Variants in LMX1A observed in about 807,000 individuals in gnomAD.
LMX1A encodes the protein LIM homeobox transcription factor 1 alpha.
A neutral mutation model predicts 49.1 loss-of-function variants in LMX1A; 15 were observed. That is an observed-to-expected ratio of 0.31 (90% CI 0.20 to 0.47). The LOEUF is 0.47. Ranked by LOEUF, LMX1A falls within the 20% of genes least tolerant of loss-of-function variation. The pLI, the probability that LMX1A is intolerant of heterozygous loss-of-function variation, is 1.00. For missense variants in LMX1A, 372 were observed against 475.8 expected (o/e 0.78, Z 2.03); for synonymous variants, 167 against 185.7 (o/e 0.90, Z 0.82).
chr1:165,350,351 A>G (rs1372102710), intron 3 of LMX1A, among the ~76,000 whole-genome samples: 3 of 152,190 alleles, frequency 2.0e-5, no homozygotes, highest in Non-Finnish European at 2.9e-5. Context: ...CCTACACTCT[A>G]AATGGAAGAA....
intron 3 of LMX1A, among the ~76,000 whole-genome samples, chr1:165,273,629 AC>A (rs539898391): frequency 1.2e-3 from 180 of 152,334 alleles, no homozygotes; most frequent in African/African-American, 4.2e-3. Context: ...TTCATTATAT[AC>A]TATCTTATTT....
chr1:165,336,807 G>C (rs1655911865), intron 3 of LMX1A, among the ~76,000 whole-genome samples: 1 of 152,124 alleles, frequency 6.6e-6, no homozygotes, highest in Non-Finnish European at 1.5e-5. Context: ...ACTTGTGAGC[G>C]AAACAATAAT....
In LMX1A at chr1:165,205,969, T is replaced by C. The variant is rs148227502; in HGVS notation, c.883A>G (p.Thr295Ala). 8.7e-6 allele frequency: 14 copies of C among 1,613,080 alleles called. No individual in the cohort carries two copies. In the South Asian group the frequency reaches 1.5e-4, roughly 18 times the overall value. The change falls in exon 8 of 9, where the codon ACC becomes GCC. Residue 295 changes from threonine to alanine, a missense_variant. Thr to Ala is a moderately conservative substitution (Grantham distance 58, BLOSUM62 0). This residue lies in a region of LMX1A where 127 missense variants were observed against 138.0 expected (regional missense o/e 0.92). Coordinates refer to ENST00000342310, the MANE Select transcript of LMX1A (RefSeq NM_177398.4). The part of the protein sequence containing the change: ...GIMNPYTALP[T>A]PQQLLAIEQS... ...TCGATGGCCAGGAGCTGCTGTGGGG[T>C]GGGCAGAGCCGTGTAGGGGTTCATG...
At chr1:165,323,065 A>G (rs547722021) in intron 3 of LMX1A, among the ~76,000 whole-genome samples, 4 of 152,304 alleles carry the variant, frequency 2.6e-5, no homozygotes, top group African/African-American at 9.6e-5. Context: ...AAAAAATCTC[A>G]GAATCAAAAG....
intron 3 of LMX1A, among the ~76,000 whole-genome samples, chr1:165,270,750 A>G (rs576734585): frequency 6.6e-6 from 1 of 152,308 alleles, no homozygotes; most frequent in Non-Finnish European, 1.5e-5. Context: ...CATAGGGATA[A>G]CTTGAACAAA....
rs1000121800 is a variant in LMX1A, at chr1:165,355,658, G to A, written c.-22-77C>T. On this transcript the variant is annotated intron_variant, in intron 1 of 8. Coordinates refer to ENST00000342310, the MANE Select transcript of LMX1A (RefSeq NM_177398.4). This position sits in a 1 kb window ranked among gnomAD's most constrained non-coding sequence, Gnocchi z 4.7. ...GCGCCAGCAGCCACCGCACTCCTGG[G>A]AAAGAACTGAGGGAGTGTCCAGGGC... The A allele has an allele frequency of 7.9e-5, 87 of 1,106,914 alleles. No homozygotes were observed. In the African/African-American group the frequency reaches 1.3e-3, roughly 16 times the overall value. 68.6% of individuals were successfully genotyped at this position (1,106,914 alleles called of 1,614,324 possible). A position where few individuals can be genotyped will look rare whatever the true frequency, so the allele number is the denominator to read the frequency against.
intron 4 of LMX1A, among the ~76,000 whole-genome samples, chr1:165,244,125 T>G (rs78235344): frequency 0.011 from 1,663 of 152,302 alleles, 27 homozygotes; most frequent in African/African-American, 0.032. Context: ...AGGACAAAGC[T>G]AGGGAACTTC....
At chr1:165,205,495 TCTTA>T (rs546089998) in intron 8 of LMX1A, among the ~76,000 whole-genome samples, 126 of 152,354 alleles carry the variant, frequency 8.3e-4, no homozygotes, top group African/African-American at 2.9e-3. Flanking sequence ...TTATTTCTTT[TCTTA>T]CTTTAGGTAA....
rs572477682 is a variant in LMX1A, at chr1:165,318,090, G to C, written c.263+34986C>G. On this transcript the variant is annotated intron_variant, in intron 3 of 8. Transcript: ENST00000342310. ...GGTAACTTTCTGGCTTTTTCTCTTA[G>C]CACTTTCTTTTCCCCTTTCAAAAAG... Among the ~76,000 whole-genome samples, 7 of 152,296 alleles carry C rather than the reference G, an allele frequency of 4.6e-5. No individual in the cohort carries two copies. In the East Asian group the frequency reaches 1.4e-3, roughly 29 times the overall value.
intron 3 of LMX1A, among the ~76,000 whole-genome samples, chr1:165,325,963 A>T (rs1488378917): frequency 3.9e-5 from 6 of 151,950 alleles, no homozygotes; most frequent in Non-Finnish European, 7.4e-5. Context: ...TCCTTCCCCC[A>T]TCCTCACCAG....
chr1:165,325,424 T>C (rs950834161), intron 3 of LMX1A, among the ~76,000 whole-genome samples: 2 of 139,388 alleles, frequency 1.4e-5, no homozygotes, highest in Non-Finnish European at 3.2e-5. Flanking sequence ...TAGATCACTA[T>C]TTAAAAATAT....
At chr1:165,271,915 C>T (rs1000015353) in intron 3 of LMX1A, among the ~76,000 whole-genome samples, 4 of 152,184 alleles carry the variant, frequency 2.6e-5, no homozygotes, top group Admixed American at 1.3e-4. Context: ...TACTTTAAGG[C>T]ATCTCAGTAC....
In LMX1A at chr1:165,203,965, G is replaced by A. The variant is rs777870473; in HGVS notation, c.1064C>T (p.Thr355Ile). 3 of 1,614,002 alleles carry A rather than the reference G, an allele frequency of 1.9e-6. No homozygotes were observed. Among genetic ancestry groups the A allele is most frequent in the East Asian group, 4.5e-5 (2 of 44,878 alleles). The change falls in exon 9 of 9, where the codon ACC becomes ATC. Residue 355 changes from threonine to isoleucine, a missense_variant. This residue lies in a region of LMX1A where 127 missense variants were observed against 138.0 expected (regional missense o/e 0.92). Coordinates refer to ENST00000342310, the MANE Select transcript of LMX1A (RefSeq NM_177398.4). ...GGACTGCAGAGGCCCAGCTTCTGAG[G>A]TTGCTAGGAAACAATCACCCAGGTT... Reference protein sequence around the residue: ...LSNLGDCFLATSEAGPLQSRV... With the variant: ...LSNLGDCFLAISEAGPLQSRV...
intron 3 of LMX1A, among the ~76,000 whole-genome samples, chr1:165,350,614 C>T (rs530200614): frequency 6.6e-6 from 1 of 151,788 alleles, no homozygotes; most frequent in Non-Finnish European, 1.5e-5. Context: ...CAGACTAAGA[C>T]CATTAAGATT....
At chr1:165,228,149 G>A (rs1294132165) in intron 4 of LMX1A, among the ~76,000 whole-genome samples, 2 of 152,190 alleles carry the variant, frequency 1.3e-5, no homozygotes, top group Non-Finnish European at 2.9e-5. Context: ...AAAGTGATAA[G>A]CATAGATTGA....
At chr1:165,330,617 A>T (rs534208074) in intron 3 of LMX1A, among the ~76,000 whole-genome samples, 86 of 152,344 alleles carry the variant, frequency 5.6e-4, no homozygotes, top group African/African-American at 1.8e-3. Context: ...AACGGACCAA[A>T]AGTAGGCAGA....
chr1:165,347,523 A>G (rs898329997), intron 3 of LMX1A, among the ~76,000 whole-genome samples: 44 of 152,230 alleles, frequency 2.9e-4, no homozygotes, highest in African/African-American at 1.0e-3. Flanking sequence ...GATGTGAAAG[A>G]GCATTTACAA....
chr1:165,343,616 T>C (rs1324665870), intron 3 of LMX1A, among the ~76,000 whole-genome samples: 2 of 152,200 alleles, frequency 1.3e-5, no homozygotes, highest in African/African-American at 4.8e-5. Context: ...GAGAGAGCTA[T>C]GCAGTGTCCA....
At chr1:165,317,556 G>A (rs1297168536) in intron 3 of LMX1A, among the ~76,000 whole-genome samples, 1 of 152,230 alleles carries the variant, frequency 6.6e-6, no homozygotes, top group Non-Finnish European at 1.5e-5. Context: ...AAAAAATAAA[G>A]CCATTCTGGG....
Sources: gnomAD v4.1 joint callset for allele counts (sites outside exome capture counted in the v4.1 genomes callset) on GRCh38, gnomAD v4.1.1 for gene constraint, gnomAD v4.1.1 regional missense constraint, Gnocchi (gnomAD v3.1) non-coding constraint, MANE v1.5 for transcripts, NCBI Gene and HGNC (gene_info 2026-07-23, HGNC 2026-07-21) for gene names.